The following SFXN5 variants were observed in gnomAD, a reference collection of about 807,000 sequenced individuals.
SFXN5 encodes the protein sideroflexin-5.
A neutral mutation model predicts 50.2 loss-of-function variants in SFXN5; 43 were observed. The observed-to-expected ratio is 0.86, with a 90% CI of 0.67 to 1.11. The LOEUF is 1.11. SFXN5 is among the 50% of genes least tolerant of loss of function. SFXN5 has a pLI of 0.00. For synonymous variants in SFXN5, 203 were observed against 185.8 expected (o/e 1.09, Z -0.75); for missense variants, 463 against 454.1 (o/e 1.02, Z -0.18).
intron 5 of SFXN5, among the ~76,000 whole-genome samples, chr2:73,022,243 G>A (rs1676987740): frequency 6.6e-6 from 1 of 152,230 alleles, no homozygotes; most frequent in Non-Finnish European, 1.5e-5. Flanking sequence ...GCTGAGTGAT[G>A]TGGAGTGGGT....
intron 13 of SFXN5, among the ~76,000 whole-genome samples, chr2:72,957,451 T>C (rs1673230409): frequency 6.6e-6 from 1 of 152,232 alleles, no homozygotes; most frequent in African/African-American, 2.4e-5. Flanking sequence ...TGCCTCAATC[T>C]CTGGGGTTAG....
intron 8 of SFXN5, among the ~76,000 whole-genome samples, chr2:72,999,331 C>A (rs1250630908): frequency 6.6e-6 from 1 of 151,998 alleles, no homozygotes; most frequent in African/African-American, 2.4e-5. Flanking sequence ...AAGGCTGGGG[C>A]AAGCAGTCTT....
intron 10 of SFXN5, among the ~76,000 whole-genome samples, chr2:72,976,415 A>C (rs1198544854): frequency 6.6e-6 from 1 of 152,212 alleles, no homozygotes; most frequent in African/African-American, 2.4e-5. Flanking sequence ...CGGCTTCCTA[A>C]AGAAGCTGAT....
chr2:72,967,489 G>A (rs757848637), intron 12 of SFXN5, among the ~76,000 whole-genome samples: 6 of 152,174 alleles, frequency 3.9e-5, no homozygotes, highest in Admixed American at 6.5e-5. Flanking sequence ...TCGGGCAGAG[G>A]CCTGACTGAG....
At chr2:73,030,258 C>T (rs572355701) in intron 3 of SFXN5, among the ~76,000 whole-genome samples, 2 of 152,198 alleles carry the variant, frequency 1.3e-5, no homozygotes, top group African/African-American at 4.8e-5. Flanking sequence ...CTGTTCTGCC[C>T]CTTAGGCTTG....
rs553980815 is a variant in SFXN5, at chr2:73,001,593, G to A, written c.358-15C>T. 1.2e-6 allele frequency: 2 copies of A among 1,613,942 alleles called. No individual in the cohort carries two copies. The highest frequency in any genetic ancestry group is 4.5e-5 in the East Asian group (2 of 44,870). ...AGACCGACTACCTATGAGCAAGAGAGAAGAAATGCTGAAAAAGGCAGAAGA... is the reference window on the plus strand; with the variant it reads ...AGACCGACTACCTATGAGCAAGAGAAAAGAAATGCTGAAAAAGGCAGAAGA... On this transcript the variant is annotated splice_polypyrimidine_tract_variant and intron_variant, in intron 6 of 13. Transcript: ENST00000272433.
intron 1 of SFXN5, among the ~76,000 whole-genome samples, chr2:73,063,900 T>G (rs931458511): frequency 6.6e-6 from 1 of 152,324 alleles, no homozygotes; most frequent in South Asian, 2.1e-4. Flanking sequence ...GTTCAAAATG[T>G]ATAGCCTCCC....
chr2:73,036,899 A>G (rs899517615), intron 3 of SFXN5, among the ~76,000 whole-genome samples: 1 of 152,226 alleles, frequency 6.6e-6, no homozygotes, highest in African/African-American at 2.4e-5. Flanking sequence ...AGGAGATCGC[A>G]GCCTGCCCTC....
intron 3 of SFXN5, among the ~76,000 whole-genome samples, chr2:73,039,120 G>T (rs1679299111): frequency 1.3e-5 from 2 of 152,160 alleles, no homozygotes; most frequent in Admixed American, 6.5e-5. Context: ...TGGAGACAGG[G>T]TTTCTTCAGG....
At chr2:73,003,218 C>A (rs968760016) in intron 6 of SFXN5, among the ~76,000 whole-genome samples, 3 of 152,164 alleles carry the variant, frequency 2.0e-5, no homozygotes, top group Admixed American at 2.0e-4. Flanking sequence ...CCTTCTACCA[C>A]CGGAGGAAGT....
At position 72,953,748 on chromosome 2, in the gene SFXN5, T is replaced by C. The variant is rs956878661; in HGVS notation, c.945+7383A>G. On this transcript the variant is annotated intron_variant, in intron 13 of 13. Coordinates refer to ENST00000272433, the MANE Select transcript of SFXN5 (RefSeq NM_144579.3). The surrounding 1 kb of genome is among the most constrained non-coding windows in gnomAD (Gnocchi z 4.1). ...GGAGCCATTTCTAGACCAGCTTGAA[T>C]GTGGACTCACATTCCAGCTTATTCC... Among the ~76,000 whole-genome samples the C allele has an allele frequency of 6.6e-6, 1 of 152,210 alleles. No individual in the cohort carries two copies. The highest frequency in any genetic ancestry group is 2.4e-5 in the African/African-American group (1 of 41,456).
At chr2:72,985,016 C>T (rs559388365) in intron 10 of SFXN5, among the ~76,000 whole-genome samples, 3 of 152,128 alleles carry the variant, frequency 2.0e-5, no homozygotes, top group African/African-American at 4.8e-5. Flanking sequence ...AGCCTGGATG[C>T]GGCCTCTGAC....
intron 1 of SFXN5, among the ~76,000 whole-genome samples, chr2:73,065,641 C>T (rs2106064890): frequency 6.6e-6 from 1 of 152,354 alleles, no homozygotes; most frequent in South Asian, 2.1e-4. Context: ...AAGTGATCTG[C>T]CCGCCTTGGC....
rs771558265 is a variant in SFXN5 at position 73,058,595 on chromosome 2, G to A, written c.104C>T (p.Thr35Met). Residue 35 changes from threonine to methionine, a missense_variant and splice_region_variant, in exon 2 of 14, where the codon ACG becomes ATG. Thr to Met is a moderately conservative substitution (Grantham distance 81). Coordinates refer to ENST00000272433, the MANE Select transcript of SFXN5 (RefSeq NM_144579.3). ...FQLGKPRFQQ[T>M]SFYGRFRHFL... Reference sequence around the variant, plus strand: ...GTGCCTGAAGCGGCCATAGAAGGACGTCTGAAGAAGAGGATGAGAGAGAAG... The same window carrying A: ...GTGCCTGAAGCGGCCATAGAAGGACATCTGAAGAAGAGGATGAGAGAGAAG... The A allele has an allele frequency of 1.2e-5, 19 of 1,613,854 alleles. No individual in the cohort carries two copies. In the East Asian group the frequency reaches 1.6e-4, roughly 13 times the overall value.
At chr2:73,033,528 T>C (rs1678581670) in intron 3 of SFXN5, among the ~76,000 whole-genome samples, 1 of 152,062 alleles carries the variant, frequency 6.6e-6, no homozygotes, top group Admixed American at 6.5e-5. Context: ...GAGGAAACAC[T>C]TGAAGGAGAG....
At chr2:72,959,923 C>A (rs1673521095) in intron 13 of SFXN5, among the ~76,000 whole-genome samples, 1 of 152,206 alleles carries the variant, frequency 6.6e-6, no homozygotes, top group Non-Finnish European at 1.5e-5. Flanking sequence ...GATCCCTTCT[C>A]TGGGGACAGG....
chr2:73,040,717 T>C (rs1036674765), intron 3 of SFXN5, 137 bp downstream of exon 3: 1 of 611,378 alleles, frequency 1.6e-6, no homozygotes, highest in Non-Finnish European at 2.8e-6. Flanking sequence ...CCAAAGAGCT[T>C]TTAGTCCACA....
rs1005416755 is a variant in SFXN5, at chr2:72,944,430, C to T, written c.*592G>A. 6.5e-6 allele frequency: 1 copy of T among 152,704 alleles called. No homozygotes were observed. The highest frequency in any genetic ancestry group is 6.5e-5 in the Admixed American group (1 of 15,342). 9.5% of individuals were successfully genotyped at this position (152,704 alleles called of 1,614,324 possible). ...AGAGGCCTCCAGTGCTCCCTGATTCCCTGGGCCACTGCCTGAGGACCCTAG... is the reference window on the plus strand; with the variant it reads ...AGAGGCCTCCAGTGCTCCCTGATTCTCTGGGCCACTGCCTGAGGACCCTAG... On this transcript the variant is annotated 3_prime_UTR_variant, in exon 14 of 14. Transcript: ENST00000272433.
intron 3 of SFXN5, 149 bp downstream of exon 3, chr2:73,040,705 C>T (rs1679506411): frequency 1.7e-6 from 1 of 581,918 alleles, no homozygotes; most frequent in African/African-American, 1.9e-5. Context: ...ATCTGAGCAT[C>T]TCCAAAGAGC....
Sources: allele counts gnomAD v4.1 joint callset (sites outside exome capture counted in the v4.1 genomes callset), GRCh38; gene constraint gnomAD v4.1.1; non-coding constraint Gnocchi (gnomAD v3.1); transcripts MANE v1.5; gene names NCBI Gene and HGNC (gene_info 2026-07-23, HGNC 2026-07-21).